The following LEMD2 variants were observed in gnomAD, a reference collection of about 807,000 sequenced individuals.
The protein encoded by LEMD2 is LEM domain nuclear envelope protein 2.
A neutral mutation model predicts 58.8 loss-of-function variants in LEMD2; 34 were observed. The observed-to-expected ratio is 0.58, with a 90% CI of 0.44 to 0.77. The LOEUF is 0.77. Ranked by LOEUF, LEMD2 falls within the 30% of genes least tolerant of loss-of-function variation. The probability of loss-of-function intolerance (pLI) is 0.00; values close to 1 mark genes in which losing one functional copy is unlikely to be tolerated. For missense variants in LEMD2, 629 were observed against 717.9 expected, an observed-to-expected ratio of 0.88 and a Z score of 1.42; for synonymous variants, 298 against 308.9, an observed-to-expected ratio of 0.96 and a Z score of 0.37.
chr6:33,771,274 C>A lies in LEMD2; in HGVS notation c.*1354G>T, dbSNP rs1326032507. On this transcript the variant is annotated 3_prime_UTR_variant, in exon 9 of 9. Coordinates refer to ENST00000293760, the MANE Select transcript of LEMD2 (RefSeq NM_181336.4). ...TCAGCCCTGATACTGAAGCCTGTTG[C>A]GGTGTTTCTTATTTTTCTGGCTGGA... The A allele has an allele frequency of 6.6e-6, 1 of 152,220 alleles. No homozygotes were observed. The highest frequency in any genetic ancestry group is 2.4e-5 in the African/African-American group (1 of 41,438). 9.4% of individuals were successfully genotyped at this position (152,220 alleles called of 1,614,324 possible).
chr6:33,778,471 A>G lies in LEMD2; in HGVS notation c.1011-84T>C, dbSNP rs918263744. 1 of 1,206,184 alleles carries G rather than the reference A, an allele frequency of 8.3e-7. No individual in the cohort carries two copies. Among genetic ancestry groups the G allele is most frequent in the Non-Finnish European group, 1.1e-6 (1 of 898,208 alleles). 74.7% of individuals were successfully genotyped at this position (1,206,184 alleles called of 1,614,324 possible). The stretch of plus-strand genomic sequence containing the variant: ...GCCCCACTTCAAACAGGAGGAAGCG[A>G]AGGAAAGTGGGGACGCAAGGCCTCT... On this transcript the variant is annotated intron_variant, in intron 5 of 8. Coordinates refer to ENST00000293760, the MANE Select transcript of LEMD2 (RefSeq NM_181336.4). The surrounding 1 kb of genome is among the most constrained non-coding windows in gnomAD (Gnocchi z 4.7).
rs1767300231 is a variant in LEMD2, at chr6:33,771,766, T to TA, written c.*861dup. ...ACGCCGGCTGCGCTGAAGTTCTTGT[T>TA]AAACAGCCCCGCGTCGGGGCTGTGG... On this transcript the variant is annotated 3_prime_UTR_variant, in exon 9 of 9. Transcript: ENST00000293760. 6.6e-6 allele frequency: 1 copy of TA among 152,202 alleles called. No homozygotes were observed. Among genetic ancestry groups the TA allele is most frequent in the African/African-American group, 2.4e-5 (1 of 41,456 alleles). 9.4% of individuals were successfully genotyped at this position (152,202 alleles called of 1,614,324 possible).
At position 33,772,460 on chromosome 6, in the gene LEMD2, C is replaced by A; in HGVS notation, c.*168G>T. 1.7e-6 allele frequency: 1 copy of A among 583,062 alleles called. No individual in the cohort carries two copies. Among genetic ancestry groups the A allele is most frequent in the Non-Finnish European group, 2.9e-6 (1 of 345,410 alleles). The allele number at this position is 583,062 out of a possible 1,614,324, so 36.1% of individuals were successfully genotyped here. ...TTTAAAGGAAGCCCACATTTTCCTG[C>A]GAGCCGAACTCCTCTGAAGAGTATG... On this transcript the variant is annotated 3_prime_UTR_variant, in exon 9 of 9. Coordinates refer to ENST00000293760, the MANE Select transcript of LEMD2 (RefSeq NM_181336.4).
chr6:33,778,104 CCT>C lies in LEMD2; in HGVS notation c.1156+136_1156+137del. 1.3e-6 allele frequency: 1 copy of C among 759,140 alleles called. No homozygotes were observed. The highest frequency in any genetic ancestry group is 1.9e-6 in the Non-Finnish European group (1 of 518,002). The allele number at this position is 759,140 out of a possible 1,614,324, so 47.0% of individuals were successfully genotyped here. A position where few individuals can be genotyped will look rare whatever the true frequency, so the allele number is the denominator to read the frequency against. The stretch of plus-strand genomic sequence containing the variant: ...AGGGCAGAGGCTGACTTGTTCATCT[CCT>C]CTGTTTTATGAGACAGACCTCAGGT... On this transcript the variant is annotated intron_variant, in intron 6 of 8. Coordinates refer to ENST00000293760, the MANE Select transcript of LEMD2 (RefSeq NM_181336.4). The surrounding 1 kb of genome is among the most constrained non-coding windows in gnomAD (Gnocchi z 4.7).
At chr6:33,780,538 G>C (rs932335675) in intron 4 of LEMD2, among the ~76,000 whole-genome samples, 1 of 152,180 alleles carries the variant, frequency 6.6e-6, no homozygotes, top group African/African-American at 2.4e-5. Context: ...AGTGGCCGGT[G>C]CAAGTGGTCT....
chr6:33,788,671 T>TCGGGCGTC lies in LEMD2; in HGVS notation c.438_445dup (p.Asp149GlyfsTer74). On this transcript the variant is annotated frameshift_variant, in exon 1 of 9. Coordinates refer to ENST00000293760, the MANE Select transcript of LEMD2 (RefSeq NM_181336.4). LOFTEE classifies it high-confidence loss of function. The stretch of plus-strand genomic sequence containing the variant: ...GAGACCCGGGCCCTGCGTGGCCCTG[T>TCGGGCGTC]CGGGCGTCCGGGCGTCCTCGTCCTC... 7 of 1,330,188 alleles carry TCGGGCGTC rather than the reference T, an allele frequency of 5.3e-6. No homozygotes were observed. The highest frequency in any genetic ancestry group is 6.7e-6 in the Non-Finnish European group (7 of 1,040,802). 82.4% of individuals were successfully genotyped at this position (1,330,188 alleles called of 1,614,324 possible). A position where few individuals can be genotyped will look rare whatever the true frequency, so the allele number is the denominator to read the frequency against.
chr6:33,789,037 G>C lies in LEMD2; in HGVS notation c.80C>G (p.Thr27Ser), dbSNP rs998232383. 1.9e-6 allele frequency: 3 copies of C among 1,558,028 alleles called. No homozygotes were observed. In the African/African-American group the frequency reaches 4.3e-5, roughly 22 times the overall value. The change falls in exon 1 of 9, where the codon ACC becomes AGC. Residue 27 changes from threonine (T) to serine (S), a missense_variant. Transcript: ENST00000293760. The part of the protein sequence containing the change: ...GFQPGPITDT[T>S]RDVYRNKLRR... ...CAGCTTGTTGCGGTAGACATCCCGG[G>C]TGGTGTCGGTGATGGGTCCTGGCTG... is the stretch of plus-strand genomic sequence containing the variant.
At position 33,788,469 on chromosome 6, in the gene LEMD2, C is replaced by A; in HGVS notation, c.648G>T (p.Trp216Cys). 1 of 1,562,656 alleles carries A rather than the reference C, an allele frequency of 6.4e-7. No homozygotes were observed. Among genetic ancestry groups the A allele is most frequent in the Non-Finnish European group, 8.7e-7 (1 of 1,155,398 alleles). The change falls in exon 1 of 9, where the codon TGG becomes TGT. Residue 216 changes from tryptophan (W) to cysteine (C), a missense_variant. This residue lies in a region of LEMD2 where 386 missense variants were observed against 381.1 expected (regional missense o/e 1.01). Coordinates refer to ENST00000293760, the MANE Select transcript of LEMD2 (RefSeq NM_181336.4). ...LERWLSRLLLWASLGLLLVFL... is the reference protein window; with the variant it reads ...LERWLSRLLLCASLGLLLVFL... ...AGACGAGCAGTAGCCCTAGGCTGGCCCAGAGCAGAAGCCGAGAGAGCCAGC... is the reference window on the plus strand; with the variant it reads ...AGACGAGCAGTAGCCCTAGGCTGGCACAGAGCAGAAGCCGAGAGAGCCAGC...
intron 2 of LEMD2, among the ~76,000 whole-genome samples, chr6:33,785,564 G>C (rs1167109410): frequency 6.6e-6 from 1 of 152,176 alleles, no homozygotes; most frequent in South Asian, 2.1e-4. Context: ...TTCATTTAGA[G>C]ATGTGAAGGA....
chr6:33,781,482 A>C, intron 3 of LEMD2: 1 of 250,912 alleles, frequency 4.0e-6, no homozygotes, highest in Non-Finnish European at 7.6e-6. Context: ...GGCACTATAA[A>C]TAAACACAGC....
At chr6:33,782,179 A>AGGCCT (rs1767580220) in intron 3 of LEMD2, 1 of 152,212 alleles carries the variant, frequency 6.6e-6, no homozygotes, top group African/African-American at 2.4e-5. Flanking sequence ...TGCCCTTGCC[A>AGGCCT]GGCCTGCCTG....
chr6:33,788,389 T>C lies in LEMD2; in HGVS notation c.728A>G (p.Glu243Gly). The C allele has an allele frequency of 6.3e-7, 1 of 1,576,942 alleles. No homozygotes were observed. Among genetic ancestry groups the C allele is most frequent in the South Asian group, 1.2e-5 (1 of 86,550 alleles). Residue 243 changes from glutamate (E) to glycine (G), a missense_variant, in exon 1 of 9, where the codon GAG (glutamate) becomes GGG (glycine). Physicochemically the swap from Glu to Gly is moderately conservative, Grantham distance 98 (BLOSUM62 -2). Coordinates refer to ENST00000293760, the MANE Select transcript of LEMD2 (RefSeq NM_181336.4). ...GCCGGCCCAGGACGTACTGTTGTCC[T>C]CCGCCTCCTGCGGCGCTGAGGGCTT... ...MGKPSAPQEAEDNMKLLPVDC... is the reference protein window; with the variant it reads ...MGKPSAPQEAGDNMKLLPVDC...
At position 33,771,436 on chromosome 6, in the gene LEMD2, CCAGT is replaced by C. The variant is rs946824783; in HGVS notation, c.*1188_*1191del. The C allele has an allele frequency of 6.6e-6, 1 of 152,238 alleles. No individual in the cohort carries two copies. Among genetic ancestry groups the C allele is most frequent in the Non-Finnish European group, 1.5e-5 (1 of 68,050 alleles). 9.4% of individuals were successfully genotyped at this position (152,238 alleles called of 1,614,324 possible). On this transcript the variant is annotated 3_prime_UTR_variant, in exon 9 of 9. Coordinates refer to ENST00000293760, the MANE Select transcript of LEMD2 (RefSeq NM_181336.4). The stretch of plus-strand genomic sequence containing the variant: ...AGCTTTATTAAGGAAACAAAAAATA[CCAGT>C]AAGACTAGAGAGGGGTGGTTAATGT...
At chr6:33,786,290 CTA>C (rs1490424845) in intron 2 of LEMD2, among the ~76,000 whole-genome samples, 1 of 152,134 alleles carries the variant, frequency 6.6e-6, no homozygotes, top group Non-Finnish European at 1.5e-5. Context: ...AACAAACTCC[CTA>C]TGTTTCAAAT....
intron 2 of LEMD2, among the ~76,000 whole-genome samples, chr6:33,786,210 C>CTTCCCCAA (rs6149526): frequency 6.6e-6 from 1 of 152,142 alleles, no homozygotes; most frequent in Non-Finnish European, 1.5e-5. Context: ...GGCTGCTCGC[C>CTTCCCCAA]ATATTAGAGC....
intron 1 of LEMD2, 146 bp downstream of exon 1, chr6:33,788,235 G>A (rs1767726568): frequency 9.4e-6 from 8 of 851,326 alleles, no homozygotes; most frequent in South Asian, 1.9e-5. Flanking sequence ...TCCCACAGCT[G>A]GAAGAAGGCA....
Position 33,778,223 on chromosome 6 carries a change from A to C in LEMD2, c.1156+19T>G. 1 of 1,566,244 alleles carries C rather than the reference A, an allele frequency of 6.4e-7. No homozygotes were observed. The highest frequency in any genetic ancestry group is 8.7e-7 in the Non-Finnish European group (1 of 1,154,224). On this transcript the variant is annotated intron_variant, in intron 6 of 8. Transcript: ENST00000293760. The surrounding 1 kb of genome is among the most constrained non-coding windows in gnomAD (Gnocchi z 4.7). The stretch of plus-strand genomic sequence containing the variant: ...TGCTTGACTGCACAGAAGGGGAGGG[A>C]AGGCGGCCGAGGACTTACACCAGAA...
chr6:33,777,137 C>G lies in LEMD2; in HGVS notation c.1258+1G>C. On this transcript the variant is annotated splice_donor_variant, in intron 7 of 8. Transcript: ENST00000293760. LOFTEE classifies it high-confidence loss of function. ...CCTTTATTCACCAGGGGGCCACGCA[C>G]CTATAATCTTCTTCACCATCTCATA... The G allele has an allele frequency of 6.2e-7, 1 of 1,613,674 alleles. No individual in the cohort carries two copies. Among genetic ancestry groups the G allele is most frequent in the Non-Finnish European group, 8.5e-7 (1 of 1,179,538 alleles).
At chr6:33,786,337 T>G (rs1767675430) in intron 2 of LEMD2, among the ~76,000 whole-genome samples, 1 of 152,198 alleles carries the variant, frequency 6.6e-6, no homozygotes, top group African/African-American at 2.4e-5. Context: ...GCTGCACCAC[T>G]GGAGACAGAG....
Sources: gnomAD v4.1 joint callset for allele counts (sites outside exome capture counted in the v4.1 genomes callset) on GRCh38, gnomAD v4.1.1 for gene constraint, gnomAD v4.1.1 regional missense constraint, Gnocchi (gnomAD v3.1) non-coding constraint, MANE v1.5 for transcripts, NCBI Gene and HGNC (gene_info 2026-07-23, HGNC 2026-07-21) for gene names.